GALNT6: variants seen among roughly 807,000 people sequenced by gnomAD.
GALNT6 encodes GalNAc transferase 6.
Under a neutral mutation model 65.9 loss-of-function variants are expected in GALNT6, and 51 were observed. The ratio of observed to expected loss-of-function variants is 0.77; its 90% CI spans 0.62 to 0.98. The LOEUF (loss-of-function observed/expected upper bound fraction) is 0.98, where lower values mean the gene tolerates loss of function less well. GALNT6 is among the 50% of genes least tolerant of loss of function. The pLI, the probability that GALNT6 is intolerant of heterozygous loss-of-function variation, is 0.00. For synonymous variants in GALNT6, 323 were observed against 315.1 expected (o/e 1.02, Z -0.26); for missense variants, 708 against 803.3 (o/e 0.88, Z 1.43).
chr12:51,372,022 T>C (rs1001716204), intron 4 of GALNT6, among the ~76,000 whole-genome samples: 1 of 152,186 alleles, frequency 6.6e-6, no homozygotes, highest in Non-Finnish European at 1.5e-5. Context: ...CTCTAGCGTC[T>C]GAAAGCCCTC....
upstream of GALNT6, chr12:51,391,567 G>A (rs1013703150): frequency 2.0e-5 from 3 of 152,636 alleles, no homozygotes; most frequent in Admixed American, 6.5e-5. Context: ...GGGCCCTCCC[G>A]GGGAGAGGGT....
intron 4 of GALNT6, among the ~76,000 whole-genome samples, chr12:51,375,430 C>T (rs1947420085): frequency 6.6e-6 from 1 of 152,198 alleles, no homozygotes; most frequent in Non-Finnish European, 1.5e-5. Flanking sequence ...GTGCATTGTT[C>T]TCGTACCATG....
At chr12:51,361,537 C>T (rs1946924652) in intron 6 of GALNT6, among the ~76,000 whole-genome samples, 1 of 152,172 alleles carries the variant, frequency 6.6e-6, no homozygotes, top group Non-Finnish European at 1.5e-5. Context: ...TCAATTTGGG[C>T]TACAGGGAAC....
intron 2 of GALNT6, among the ~76,000 whole-genome samples, chr12:51,385,078 T>G (rs944366393): frequency 3.9e-5 from 6 of 152,088 alleles, no homozygotes; most frequent in African/African-American, 1.2e-4. Flanking sequence ...AGCCTTGACC[T>G]CCTGGGCTCA....
chr12:51,351,357 T>C lies in GALNT6; in HGVS notation c.*3022A>G, dbSNP rs1946612722. The C allele has an allele frequency of 6.6e-6, 1 of 152,244 alleles. No individual in the cohort carries two copies. 9.4% of individuals were successfully genotyped at this position (152,244 alleles called of 1,614,324 possible). A position where few individuals can be genotyped will look rare whatever the true frequency, so the allele number is the denominator to read the frequency against. Reference sequence around the variant, plus strand: ...AAGTGCCTAGGGCCCCTGAAATTCATGATGTAACTCTGATCTTCCAGCTTC... The same window carrying C: ...AAGTGCCTAGGGCCCCTGAAATTCACGATGTAACTCTGATCTTCCAGCTTC... On this transcript the variant is annotated 3_prime_UTR_variant, in exon 12 of 12. Coordinates refer to ENST00000356317, the MANE Select transcript of GALNT6 (RefSeq NM_007210.4).
chr12:51,369,382 C>T (rs929860543), intron 4 of GALNT6, among the ~76,000 whole-genome samples: 2 of 152,310 alleles, frequency 1.3e-5, no homozygotes, highest in Non-Finnish European at 2.9e-5. Flanking sequence ...CCCAGACCTA[C>T]TGGACAGACC....
intron 2 of GALNT6, among the ~76,000 whole-genome samples, chr12:51,383,000 A>T (rs550150399): frequency 6.6e-6 from 1 of 152,340 alleles, no homozygotes; most frequent in East Asian, 1.9e-4. Flanking sequence ...ATTCAGGAGC[A>T]GGAAAAGGAC....
chr12:51,354,525 G>T, intron 11 of GALNT6, 33 bp from the exon 12 acceptor site: 1 of 1,378,998 alleles, frequency 7.3e-7, no homozygotes, highest in Non-Finnish European at 1.0e-6. Flanking sequence ...GTCAGTCTGG[G>T]CCACAGACCT....
intron 7 of GALNT6, 122 bp downstream of exon 7, chr12:51,360,599 T>G: frequency 1.4e-6 from 1 of 689,776 alleles, no homozygotes; most frequent in Non-Finnish European, 2.7e-6. Context: ...CACTGGGAAA[T>G]AGCCACCCTT....
intron 6 of GALNT6, among the ~76,000 whole-genome samples, chr12:51,362,479 G>T (rs1034016273): frequency 6.6e-6 from 1 of 152,092 alleles, no homozygotes; most frequent in African/African-American, 2.4e-5. Context: ...GCATGCTACC[G>T]GGGCATGTGG....
intron 4 of GALNT6, among the ~76,000 whole-genome samples, chr12:51,373,953 G>A (rs1418327550): frequency 6.6e-6 from 1 of 152,196 alleles, no homozygotes; most frequent in African/African-American, 2.4e-5. Context: ...TCAGCCTGCT[G>A]GGCTCAAGCA....
At chr12:51,356,597 C>T (rs1478160418) in intron 10 of GALNT6, among the ~76,000 whole-genome samples, 1 of 151,882 alleles carries the variant, frequency 6.6e-6, no homozygotes, top group African/African-American at 2.4e-5. Flanking sequence ...CTCCTAGGCT[C>T]ATGTGATCCA....
At chr12:51,372,296 C>A (rs774690892) in intron 4 of GALNT6, among the ~76,000 whole-genome samples, 1 of 152,160 alleles carries the variant, frequency 6.6e-6, no homozygotes, top group African/African-American at 2.4e-5. Context: ...GCAACCTTGA[C>A]CTCCTGAGTT....
At position 51,355,928 on chromosome 12, in the gene GALNT6, G is replaced by A. The variant is rs576055928; in HGVS notation, c.1633C>T (p.Arg545Cys). ...CACAGCTGCTTTGCGATGTTGTGGC[G>A]AAGGTCCCTCTGAGTTGTGTACTCA... The part of the protein sequence containing the change: ...YFEYTTQRDL[R>C]HNIAKQLCLH... The change falls in exon 11 of 12, where the codon CGC becomes TGC. Residue 545 changes from arginine to cysteine, a missense_variant. Transcript: ENST00000356317. The A allele has an allele frequency of 2.8e-5, 45 of 1,613,448 alleles. No homozygotes were observed. Among genetic ancestry groups the A allele is most frequent in the East Asian group, 6.7e-5 (3 of 44,868 alleles).
At position 51,379,625 on chromosome 12, in the gene GALNT6, C is replaced by T. The variant is rs138533375; in HGVS notation, c.157G>A (p.Val53Ile). The change falls in exon 3 of 12, where the codon GTC (valine) becomes ATC (isoleucine). Residue 53 changes from valine (V) to isoleucine (I), a missense_variant. Val to Ile is a conservative substitution (Grantham distance 29). Transcript: ENST00000356317. ...LKSLVSRKDHVLDLMLEAMNN... is the reference protein window; with the variant it reads ...LKSLVSRKDHILDLMLEAMNN... ...ATGGCCTCCAGCATGAGGTCCAGGA[C>T]GTGATCCTTCCGGCTCACCAGGGAC... 148 of 1,614,074 alleles carry T rather than the reference C, an allele frequency of 9.2e-5. 1 individual carries two copies. The East Asian group carries it at 1.4e-3, about 16-fold the overall frequency.
intron 2 of GALNT6, among the ~76,000 whole-genome samples, chr12:51,380,189 T>C (rs1305965178): frequency 2.6e-5 from 4 of 152,130 alleles, no homozygotes; most frequent in African/African-American, 9.7e-5. Context: ...CTTGGTATTA[T>C]CAAGAAAAAT....
chr12:51,382,055 G>C (rs1947691529), intron 2 of GALNT6, among the ~76,000 whole-genome samples: 1 of 152,194 alleles, frequency 6.6e-6, no homozygotes, highest in South Asian at 2.1e-4. Flanking sequence ...TTCTGGACTG[G>C]GGTACAAATG....
chr12:51,362,864 TTTC>T (rs1340415285), intron 6 of GALNT6, among the ~76,000 whole-genome samples: 11 of 151,896 alleles, frequency 7.2e-5, no homozygotes, highest in African/African-American at 2.7e-4. Context: ...TTTTTTTTTT[TTTC>T]TTTTTCTTTT....
intron 7 of GALNT6, chr12:51,360,255 C>G (rs187900409): frequency 6.5e-5 from 10 of 152,832 alleles, no homozygotes; most frequent in African/African-American, 2.4e-4. Context: ...GCTTATTGTA[C>G]ATAGGTAGGG....
Sources: allele counts gnomAD v4.1 joint callset (sites outside exome capture counted in the v4.1 genomes callset), GRCh38; gene constraint gnomAD v4.1.1; transcripts MANE v1.5; gene names NCBI Gene and HGNC (gene_info 2026-07-23, HGNC 2026-07-21).